SPPL3: variants seen among roughly 807,000 people sequenced by gnomAD.
SPPL3 encodes signal peptide peptidase-like 3.
In SPPL3, 5 loss-of-function variants were observed where a neutral mutation model predicts 42.4. The ratio of observed to expected loss-of-function variants is 0.12; its 90% confidence interval spans 0.06 to 0.25. SPPL3 has a LOEUF of 0.25. Ranked by LOEUF, SPPL3 falls within the 10% of genes least tolerant of loss-of-function variation. The pLI is 1.00. For synonymous variants in SPPL3, 195 were observed against 181.8 expected, an observed-to-expected ratio of 1.07 and a Z score of -0.58; for missense variants, 235 against 489.0, an observed-to-expected ratio of 0.48 and a Z score of 4.90.
chr12:120,876,891 CA>C (rs1873118861), intron 1 of SPPL3, among the ~76,000 whole-genome samples: 2 of 148,256 alleles, frequency 1.3e-5, no homozygotes, highest in Admixed American at 6.7e-5. Context: ...GTGCAGACAT[CA>C]AAAAAATGGA....
chr12:120,768,178 G>A, intron 8 of SPPL3, 147 bp downstream of exon 8: 1 of 1,061,492 alleles, frequency 9.4e-7, no homozygotes, highest in South Asian at 2.0e-5. Context: ...GGCAAGCCAA[G>A]AATCTCATCC....
At chr12:120,897,351 G>C (rs1410796693) in intron 1 of SPPL3, among the ~76,000 whole-genome samples, 1 of 152,078 alleles carries the variant, frequency 6.6e-6, no homozygotes, top group Non-Finnish European at 1.5e-5. Context: ...GTTAACTTTG[G>C]CTAATTTTAG....
chr12:120,772,796 A>G (rs1869170953), intron 6 of SPPL3, among the ~76,000 whole-genome samples: 1 of 152,206 alleles, frequency 6.6e-6, no homozygotes, highest in Admixed American at 6.5e-5. Flanking sequence ...GGAGTTGGAA[A>G]GACAGTATTC....
intron 1 of SPPL3, among the ~76,000 whole-genome samples, chr12:120,841,654 A>T (rs1405345001): frequency 6.6e-6 from 1 of 152,234 alleles, no homozygotes. Context: ...GGAATATGAA[A>T]CAAAACGTAT....
chr12:120,779,842 A>T (rs1473309333), intron 6 of SPPL3, among the ~76,000 whole-genome samples: 2 of 148,562 alleles, frequency 1.3e-5, no homozygotes, highest in Non-Finnish European at 3.0e-5. Flanking sequence ...AAAAAAAAAA[A>T]AAAAAATTAG....
intron 6 of SPPL3, among the ~76,000 whole-genome samples, chr12:120,774,042 A>G (rs1869219193): frequency 6.6e-6 from 1 of 152,196 alleles, no homozygotes; most frequent in East Asian, 1.9e-4. Context: ...ACCTGCGTCT[A>G]AACTAAACAT....
At chr12:120,823,393 T>C (rs113144510) in intron 1 of SPPL3, among the ~76,000 whole-genome samples, 2,463 of 152,224 alleles carry the variant, frequency 0.016, 27 homozygotes, top group South Asian at 0.066. Flanking sequence ...CTCCCCAAGA[T>C]CATCAACAAT....
At chr12:120,884,906 G>T (rs140338979) in intron 1 of SPPL3, among the ~76,000 whole-genome samples, 68 of 149,228 alleles carry the variant, frequency 4.6e-4, no homozygotes, top group African/African-American at 1.6e-3. Context: ...AATAACTTCA[G>T]TTAAGGTCTT....
chr12:120,817,993 G>C (rs1014585457), intron 1 of SPPL3, among the ~76,000 whole-genome samples: 1 of 152,094 alleles, frequency 6.6e-6, no homozygotes, highest in Non-Finnish European at 1.5e-5. Context: ...CAAGGAAAAA[G>C]GGTGGGTAAG....
At chr12:120,788,850 G>C (rs564360557) in intron 3 of SPPL3, among the ~76,000 whole-genome samples, 3 of 152,076 alleles carry the variant, frequency 2.0e-5, no homozygotes, top group African/African-American at 7.2e-5. Flanking sequence ...AATCATCCAG[G>C]ACTTCCATCT....
chr12:120,885,849 CTTT>C (rs142907503), intron 1 of SPPL3, among the ~76,000 whole-genome samples: 34,590 of 121,014 alleles, frequency 0.29, 3,937 homozygotes, highest in Non-Finnish European at 0.34. Context: ...AACATTAAAA[CTTT>C]TTTTTTTTTT....
intron 1 of SPPL3, among the ~76,000 whole-genome samples, chr12:120,852,728 A>AT (rs1422124598): frequency 0.02 from 857 of 41,876 alleles, 94 homozygotes; most frequent in South Asian, 0.063. Flanking sequence ...TTTTATATAT[A>AT]ATATACATAT....
chr12:120,829,370 C>T (rs1024107469), intron 1 of SPPL3, among the ~76,000 whole-genome samples: 4 of 152,022 alleles, frequency 2.6e-5, no homozygotes, highest in African/African-American at 7.2e-5. Flanking sequence ...CCACGGCAGG[C>T]GGATCACTTG....
chr12:120,808,063 G>A (rs1042438689), intron 2 of SPPL3, among the ~76,000 whole-genome samples: 11 of 150,592 alleles, frequency 7.3e-5, no homozygotes, highest in Non-Finnish European at 1.5e-4. Context: ...TTCATTTTGG[G>A]CTTCAGTTTC....
At chr12:120,846,081 G>A (rs1872031183) in intron 1 of SPPL3, among the ~76,000 whole-genome samples, 1 of 152,072 alleles carries the variant, frequency 6.6e-6, no homozygotes, top group Non-Finnish European at 1.5e-5. Flanking sequence ...ATTTTTAGTA[G>A]GGATGGGATT....
At chr12:120,880,987 A>G (rs1007755921) in intron 1 of SPPL3, among the ~76,000 whole-genome samples, 10 of 152,050 alleles carry the variant, frequency 6.6e-5, no homozygotes, top group African/African-American at 2.2e-4. Context: ...CTAGAGAAAT[A>G]TAAATCAAAA....
chr12:120,901,578 G>A (rs889766497), intron 1 of SPPL3, among the ~76,000 whole-genome samples: 45 of 125,612 alleles, frequency 3.6e-4, no homozygotes, highest in African/African-American at 1.2e-3. Flanking sequence ...GTGACAGAGC[G>A]AGACTCCGTC....
chr12:120,765,075 G>GA lies in SPPL3; in HGVS notation c.1084-6dup. The GA allele has an allele frequency of 6.8e-6, 11 of 1,612,768 alleles. No homozygotes were observed. Among genetic ancestry groups the GA allele is most frequent in the Non-Finnish European group, 8.5e-6 (10 of 1,179,422 alleles). On this transcript the variant is annotated splice_polypyrimidine_tract_variant and splice_region_variant and intron_variant, in intron 10 of 10. Coordinates refer to ENST00000353487, the MANE Select transcript of SPPL3 (RefSeq NM_139015.5). ...CCACATCCGCCGGAGGTCGCCCTGG[G>GA]AAACAAGGGACTTTCTAAGTTACAG...
At chr12:120,901,464 G>A (rs926924412) in intron 1 of SPPL3, among the ~76,000 whole-genome samples, 4 of 151,862 alleles carry the variant, frequency 2.6e-5, no homozygotes, top group African/African-American at 9.7e-5. Context: ...GGTGGCATGT[G>A]GCTGTAGTCC....
Sources: gnomAD v4.1 joint callset for allele counts (sites outside exome capture counted in the v4.1 genomes callset) on GRCh38, gnomAD v4.1.1 for gene constraint, MANE v1.5 for transcripts, NCBI Gene and HGNC (gene_info 2026-07-23, HGNC 2026-07-21) for gene names.